Variants in BEND4 observed in about 807,000 individuals in gnomAD.
The protein encoded by BEND4 is BEN domain-containing protein 4.
In BEND4, 27 loss-of-function variants were observed where a neutral mutation model predicts 54.7. The observed-to-expected ratio is 0.49, with a 90% CI of 0.36 to 0.68. BEND4 has a LOEUF of 0.68. BEND4 is among the 30% of genes least tolerant of loss of function. The pLI is 0.00. For synonymous variants in BEND4, 327 were observed against 299.5 expected (o/e 1.09, Z -0.95); for missense variants, 702 against 697.2 (o/e 1.01, Z -0.08).
intron 2 of BEND4, among the ~76,000 whole-genome samples, chr4:42,146,454 AG>A (rs1721085560): frequency 6.6e-6 from 1 of 152,246 alleles, no homozygotes; most frequent in Admixed American, 6.5e-5. Flanking sequence ...ATGCTCTGTG[AG>A]GCACTATTTG....
intron 3 of BEND4, among the ~76,000 whole-genome samples, chr4:42,131,446 T>G (rs1720505506): frequency 2.6e-5 from 4 of 152,154 alleles, no homozygotes; most frequent in Admixed American, 1.3e-4. Context: ...TTGTAAAAAG[T>G]GTTTACAGTG....
chr4:42,133,469 AT>A (rs1376677709), intron 3 of BEND4, among the ~76,000 whole-genome samples: 1 of 152,178 alleles, frequency 6.6e-6, no homozygotes, highest in African/African-American at 2.4e-5. Context: ...GGATACTATT[AT>A]TTTTCAGTGT....
At chr4:42,149,170 A>C (rs969036450) in intron 2 of BEND4, among the ~76,000 whole-genome samples, 17 of 152,194 alleles carry the variant, frequency 1.1e-4, no homozygotes, top group African/African-American at 3.6e-4. Flanking sequence ...GCGAGGGTGC[A>C]ACAGGCAAAG....
At chr4:42,118,202 G>A (rs1719921633) in intron 5 of BEND4, among the ~76,000 whole-genome samples, 1 of 152,162 alleles carries the variant, frequency 6.6e-6, no homozygotes, top group African/African-American at 2.4e-5. Flanking sequence ...CTTAATGACT[G>A]AGGAGGTGCC....
At chr4:42,119,941 C>CAAA in intron 5 of BEND4, 113 bp downstream of exon 5, 1 of 1,362,784 alleles carries the variant, frequency 7.3e-7, no homozygotes, top group Non-Finnish European at 1.0e-6. Context: ...CCTAGACGTT[C>CAAA]TCAGCAGAAA....
Position 42,111,326 on chromosome 4 carries a change from T to A in BEND4, c.*6192A>T, listed in dbSNP as rs1252802297. ...GACTCCAACAATAAAAATATCAGGA[T>A]CAATGGATTTGTCACAGTTTCTCCA... is the stretch of plus-strand genomic sequence containing the variant. On this transcript the variant is annotated 3_prime_UTR_variant, in exon 6 of 6. Coordinates refer to ENST00000502486, the MANE Select transcript of BEND4 (RefSeq NM_207406.4). 6.6e-6 allele frequency: 1 copy of A among 152,220 alleles called. No individual in the cohort carries two copies. 9.4% of individuals were successfully genotyped at this position (152,220 alleles called of 1,614,324 possible).
chr4:42,129,548 GA>G (rs1720427235), intron 3 of BEND4, among the ~76,000 whole-genome samples: 1 of 152,070 alleles, frequency 6.6e-6, no homozygotes, highest in Non-Finnish European at 1.5e-5. Flanking sequence ...CAGACACACA[GA>G]CCAATGGAAC....
At chr4:42,128,935 C>T (rs1039182180) in intron 3 of BEND4, among the ~76,000 whole-genome samples, 2 of 151,648 alleles carry the variant, frequency 1.3e-5, no homozygotes, top group Non-Finnish European at 2.9e-5. Flanking sequence ...GACTCCATCT[C>T]CCAAAAAAAA....
At chr4:42,149,338 G>T (rs975920467) in intron 2 of BEND4, among the ~76,000 whole-genome samples, 1 of 152,190 alleles carries the variant, frequency 6.6e-6, no homozygotes, top group South Asian at 2.1e-4. Flanking sequence ...CACTGTGCCT[G>T]TTAAGAGATG....
rs1285808428 is a variant in BEND4, at chr4:42,151,833, C to A, written c.311G>T (p.Cys104Phe). 7.3e-6 allele frequency: 10 copies of A among 1,375,260 alleles called. No individual in the cohort carries two copies. In the African/African-American group the frequency reaches 1.4e-4, roughly 19 times the overall value. 85.2% of individuals were successfully genotyped at this position (1,375,260 alleles called of 1,614,324 possible). ...GTGGCCCTGGGATGTGGCGGGCGTG[C>A]AGGACGGCGACGACGACGAAGCGGC... ...AAAASSSSPS[C>F]TPATSQGHLR... Residue 104 changes from cysteine (C) to phenylalanine (F), a missense_variant, in exon 2 of 6, where the codon TGC (cysteine) becomes TTC (phenylalanine). Transcript: ENST00000502486.
chr4:42,129,487 AAC>A (rs1720423371), intron 3 of BEND4, among the ~76,000 whole-genome samples: 1 of 152,208 alleles, frequency 6.6e-6, no homozygotes, highest in African/African-American at 2.4e-5. Context: ...AAGCAAAAAG[AAC>A]ACAACTGGAG....
At position 42,113,458 on chromosome 4, in the gene BEND4, T is replaced by G. The variant is rs974490375; in HGVS notation, c.*4060A>C. On this transcript the variant is annotated 3_prime_UTR_variant, in exon 6 of 6. Coordinates refer to ENST00000502486, the MANE Select transcript of BEND4 (RefSeq NM_207406.4). ...GAACATATAGTGCACGTTTCATCTT[T>G]ACCTGATCTCCATCTGTTTTCTGAG... The G allele has an allele frequency of 6.6e-6, 1 of 152,202 alleles. No homozygotes were observed. Among genetic ancestry groups the G allele is most frequent in the Non-Finnish European group, 1.5e-5 (1 of 68,038 alleles). 9.4% of individuals were successfully genotyped at this position (152,202 alleles called of 1,614,324 possible).
intron 2 of BEND4, among the ~76,000 whole-genome samples, chr4:42,147,232 A>G (rs1231708343): frequency 6.6e-6 from 1 of 152,168 alleles, no homozygotes; most frequent in African/African-American, 2.4e-5. Context: ...ACATTGATAC[A>G]TGGAAGATTG....
At chr4:42,143,291 A>G (rs1348587844) in intron 3 of BEND4, 137 bp downstream of exon 3, 1 of 769,486 alleles carries the variant, frequency 1.3e-6, no homozygotes, top group African/African-American at 1.8e-5. Flanking sequence ...ACTTTTCTAC[A>G]TCACTGGCCA....
Position 42,116,439 on chromosome 4 carries a change from G to C in BEND4, c.*1079C>G, listed in dbSNP as rs973080973. On this transcript the variant is annotated 3_prime_UTR_variant, in exon 6 of 6. Coordinates refer to ENST00000502486, the MANE Select transcript of BEND4 (RefSeq NM_207406.4). ...AGTGCTGACTTAGCCATAGCTAAGG[G>C]GTACATTGGGGTAAAGGAGGCACGG... is the stretch of plus-strand genomic sequence containing the variant. 3 of 152,186 alleles carry C rather than the reference G, an allele frequency of 2.0e-5. No individual in the cohort carries two copies. The highest frequency in any genetic ancestry group is 7.2e-5 in the African/African-American group (3 of 41,436). 9.4% of individuals were successfully genotyped at this position (152,186 alleles called of 1,614,324 possible).
intron 4 of BEND4, among the ~76,000 whole-genome samples, chr4:42,121,755 G>A (rs1720067743): frequency 6.6e-6 from 1 of 152,188 alleles, no homozygotes; most frequent in Non-Finnish European, 1.5e-5. Context: ...AATCAAGTCT[G>A]TGCAGGACAG....
chr4:42,149,654 G>A (rs973189898), intron 2 of BEND4, among the ~76,000 whole-genome samples: 1 of 151,154 alleles, frequency 6.6e-6, no homozygotes, highest in African/African-American at 2.4e-5. Context: ...TGGGAACAGA[G>A]ACAAAATAAA....
At chr4:42,134,983 C>T (rs1247239793) in intron 3 of BEND4, among the ~76,000 whole-genome samples, 1 of 152,200 alleles carries the variant, frequency 6.6e-6, no homozygotes, top group Non-Finnish European at 1.5e-5. Context: ...GTGTGTCACA[C>T]TGAGGATGCT....
rs1023719081 is a variant in BEND4 at position 42,114,791 on chromosome 4, G to A, written c.*2727C>T. The A allele has an allele frequency of 4.6e-5, 7 of 151,566 alleles. No homozygotes were observed. Among genetic ancestry groups the A allele is most frequent in the African/African-American group, 1.7e-4 (7 of 41,200 alleles). The allele number at this position is 151,566 out of a possible 1,614,324, so 9.4% of individuals were successfully genotyped here. On this transcript the variant is annotated 3_prime_UTR_variant, in exon 6 of 6. Coordinates refer to ENST00000502486, the MANE Select transcript of BEND4 (RefSeq NM_207406.4). ...CCTGATTTAAACAAGAGGAGACCATGCAGACGACCACCGTGAACTTACGTA... is the reference window on the plus strand; with the variant it reads ...CCTGATTTAAACAAGAGGAGACCATACAGACGACCACCGTGAACTTACGTA...
Sources: allele counts gnomAD v4.1 joint callset (sites outside exome capture counted in the v4.1 genomes callset), GRCh38; gene constraint gnomAD v4.1.1; transcripts MANE v1.5; gene names NCBI Gene and HGNC (gene_info 2026-07-23, HGNC 2026-07-21).